Variants in SLC8A1 observed in about 807,000 individuals in gnomAD.
SLC8A1 encodes the protein sodium/calcium exchanger 1.
In SLC8A1, 18 loss-of-function variants were observed where a neutral mutation model predicts 68.3. That is an observed-to-expected ratio of 0.26 (90% CI 0.18 to 0.39). SLC8A1 has a LOEUF of 0.39. Ranked by LOEUF, SLC8A1 falls within the 10% of genes least tolerant of loss-of-function variation. The probability of loss-of-function intolerance (pLI) is 1.00; values close to 1 mark genes in which losing one functional copy is unlikely to be tolerated. For synonymous variants in SLC8A1, 475 were observed against 415.5 expected, an observed-to-expected ratio of 1.14 and a Z score of -1.74; for missense variants, 985 against 1,156.7, an observed-to-expected ratio of 0.85 and a Z score of 2.15.
chr2:40,182,473 G>C (rs2049791660), intron 2 of SLC8A1, among the ~76,000 whole-genome samples: 1 of 151,898 alleles, frequency 6.6e-6, no homozygotes, highest in African/African-American at 2.4e-5. Flanking sequence ...GTACATTTTG[G>C]TTCTATTTCT....
intron 2 of SLC8A1, among the ~76,000 whole-genome samples, chr2:40,188,393 A>G (rs2051101391): frequency 6.6e-6 from 1 of 152,220 alleles, no homozygotes; most frequent in South Asian, 2.1e-4. Flanking sequence ...GTTCAGTTTT[A>G]GAAAGATCAG....
intron 2 of SLC8A1, among the ~76,000 whole-genome samples, chr2:40,402,729 C>A (rs1181510610): frequency 6.6e-6 from 1 of 152,212 alleles, no homozygotes; most frequent in East Asian, 1.9e-4. Flanking sequence ...CGTCTTTCTG[C>A]AGAGTTTCCA....
chr2:40,134,111 A>G (rs1170523163), intron 7 of SLC8A1, among the ~76,000 whole-genome samples: 1 of 123,184 alleles, frequency 8.1e-6, no homozygotes, highest in Non-Finnish European at 1.7e-5. Context: ...TTTTTTTTTG[A>G]GATGGAATCT....
chr2:40,234,264 T>G (rs1399178904), intron 2 of SLC8A1, among the ~76,000 whole-genome samples: 1 of 151,612 alleles, frequency 6.6e-6, no homozygotes, highest in Non-Finnish European at 1.5e-5. Flanking sequence ...TTGTTTCCTC[T>G]TTTATTTCCT....
At chr2:40,299,665 C>T (rs1559144271) in intron 2 of SLC8A1, among the ~76,000 whole-genome samples, 1 of 152,278 alleles carries the variant, frequency 6.6e-6, no homozygotes, top group Non-Finnish European at 1.5e-5. Flanking sequence ...CCTCCCCCAC[C>T]TTCAATGCCA....
chr2:40,307,580 G>C (rs139249710), intron 2 of SLC8A1, among the ~76,000 whole-genome samples: 2 of 152,112 alleles, frequency 1.3e-5, no homozygotes, highest in Non-Finnish European at 2.9e-5. Context: ...TCAGCGAAAG[G>C]AAACAAAAGC....
intron 2 of SLC8A1, among the ~76,000 whole-genome samples, chr2:40,338,920 G>A (rs1301167004): frequency 6.6e-6 from 1 of 152,150 alleles, no homozygotes; most frequent in Non-Finnish European, 1.5e-5. Flanking sequence ...TAAAATTTAA[G>A]TTACAAATTA....
At chr2:40,456,651 T>C (rs192698000), upstream of SLC8A1, among the ~76,000 whole-genome samples, 5 of 152,322 alleles carry the variant, frequency 3.3e-5, no homozygotes, top group Admixed American at 3.3e-4. Context: ...CAAGGTGCTG[T>C]GGGAAGGATA....
chr2:40,137,731 G>A (rs1180970877), intron 7 of SLC8A1, among the ~76,000 whole-genome samples: 1 of 152,100 alleles, frequency 6.6e-6, no homozygotes, highest in Non-Finnish European at 1.5e-5. Context: ...GGGATTGAGA[G>A]GGAGTCTGCT....
At chr2:40,131,558 C>G (rs972700348) in intron 7 of SLC8A1, among the ~76,000 whole-genome samples, 21 of 152,168 alleles carry the variant, frequency 1.4e-4, no homozygotes, top group African/African-American at 4.6e-4. Context: ...TAAGAGTAGA[C>G]TGAGTGTGTT....
At chr2:40,443,766 C>G (rs1700942110) in intron 1 of SLC8A1, among the ~76,000 whole-genome samples, 1 of 152,130 alleles carries the variant, frequency 6.6e-6, no homozygotes, top group African/African-American at 2.4e-5. Flanking sequence ...CTCTTAGTAT[C>G]ATCTGTAAAA....
rs113708513 is a variant in SLC8A1 at position 40,178,539 on chromosome 2, G to C, written c.1809-684C>G. 108 of 1,490,992 alleles carry C rather than the reference G, an allele frequency of 7.2e-5. No individual in the cohort carries two copies. The African/African-American group carries it at 1.4e-3, about 19-fold the overall frequency. 92.4% of individuals were successfully genotyped at this position (1,490,992 alleles called of 1,614,324 possible). A position where few individuals can be genotyped will look rare whatever the true frequency, so the allele number is the denominator to read the frequency against. On this transcript the variant is annotated intron_variant, in intron 2 of 7. Transcript: ENST00000406785. Reference sequence around the variant, plus strand: ...TGACGAACAAGGGGAAGAGGAAAGAGAAGAGAAGGAACATAGAGAAGAGGA... The same window carrying C: ...TGACGAACAAGGGGAAGAGGAAAGACAAGAGAAGGAACATAGAGAAGAGGA...
chr2:40,386,387 C>G (rs1035469928), intron 2 of SLC8A1, among the ~76,000 whole-genome samples: 1 of 150,864 alleles, frequency 6.6e-6, no homozygotes, highest in Non-Finnish European at 1.5e-5. Context: ...TGGCTCAAAC[C>G]TGAGGCTTCC....
At chr2:40,452,784 C>T (rs77446666), upstream of SLC8A1, among the ~76,000 whole-genome samples, 152 of 150,744 alleles carry the variant, frequency 1.0e-3, no homozygotes, top group African/African-American at 3.6e-3. Context: ...GTCCCCCGGC[C>T]AAGAACTGGG....
intron 2 of SLC8A1, among the ~76,000 whole-genome samples, chr2:40,387,402 T>C (rs1023483296): frequency 6.6e-6 from 1 of 151,426 alleles, no homozygotes; most frequent in Non-Finnish European, 1.5e-5. Context: ...AAGCTTTTAA[T>C]GAACTGGCTA....
intron 2 of SLC8A1, among the ~76,000 whole-genome samples, chr2:40,178,801 A>C (rs989040465): frequency 2.0e-5 from 3 of 152,186 alleles, no homozygotes; most frequent in African/African-American, 4.8e-5. Flanking sequence ...CACAATAATA[A>C]GAAAAGAAAA....
intron 1 of SLC8A1, among the ~76,000 whole-genome samples, chr2:40,442,736 T>A (rs1276370107): frequency 6.6e-6 from 1 of 152,142 alleles, no homozygotes; most frequent in Non-Finnish European, 1.5e-5. Flanking sequence ...CCATTTGACC[T>A]AGCAATCCCA....
At chr2:40,167,241 C>G (rs535910347) in intron 4 of SLC8A1, among the ~76,000 whole-genome samples, 1 of 152,266 alleles carries the variant, frequency 6.6e-6, no homozygotes, top group African/African-American at 2.4e-5. Flanking sequence ...GTAACTAGTT[C>G]CTAGTATCTC....
At chr2:40,435,910 G>A (rs1559680123) in intron 1 of SLC8A1, among the ~76,000 whole-genome samples, 1 of 151,622 alleles carries the variant, frequency 6.6e-6, no homozygotes, top group Non-Finnish European at 1.5e-5. Context: ...CAAGTAGCTG[G>A]GATTATAGGT....
Sources: allele counts gnomAD v4.1 joint callset (sites outside exome capture counted in the v4.1 genomes callset), GRCh38; gene constraint gnomAD v4.1.1; transcripts MANE v1.5; gene names NCBI Gene and HGNC (gene_info 2026-07-23, HGNC 2026-07-21).